The following NLGN1 variants were observed in gnomAD, a reference collection of about 807,000 sequenced individuals.
NLGN1 encodes the protein neuroligin 1.
In NLGN1, 12 loss-of-function variants were observed where a neutral mutation model predicts 65.5. The observed-to-expected ratio is 0.18, with a 90% confidence interval of 0.12 to 0.30. NLGN1 has a LOEUF of 0.30. NLGN1 is among the 10% of genes least tolerant of loss of function. The pLI, the probability that NLGN1 is intolerant of heterozygous loss-of-function variation, is 1.00. For missense variants in NLGN1, 750 were observed against 1,007.1 expected (o/e 0.74, Z 3.46); for synonymous variants, 350 against 359.5 (o/e 0.97, Z 0.30).
intron 4 of NLGN1, among the ~76,000 whole-genome samples, chr3:173,989,106 C>T (rs1452333917): frequency 1.3e-5 from 2 of 152,148 alleles, no homozygotes; most frequent in Non-Finnish European, 2.9e-5. Flanking sequence ...TCAAGGTTGT[C>T]ACTCATTAAC....
intron 3 of NLGN1, among the ~76,000 whole-genome samples, chr3:173,699,644 C>T (rs1766811037): frequency 6.6e-6 from 1 of 152,184 alleles, no homozygotes; most frequent in Admixed American, 6.5e-5. Flanking sequence ...TACTGAGTCA[C>T]CATGTAGCCT....
At chr3:173,942,109 G>T (rs57490013) in intron 4 of NLGN1, among the ~76,000 whole-genome samples, 12,950 of 144,262 alleles carry the variant, frequency 0.09, 701 homozygotes, top group Middle Eastern at 0.11. Flanking sequence ...GGTGGTTGGG[G>T]GTGTGTGTGT....
rs532588538 is a variant in NLGN1, at chr3:173,983,640, G to A, written c.646+175808G>A. ...GTAGTCTCTGACTCGTGCCCAGTAT[G>A]TCTCCATTAGAAAGCCATGCACAGC... On this transcript the variant is annotated intron_variant, in intron 4 of 6. Transcript: ENST00000457714. 6.0e-4 allele frequency among the ~76,000 whole-genome samples: 92 copies of A among 152,084 alleles called. 2 individuals carry two copies. In the South Asian group the frequency reaches 0.019, roughly 31 times the overall value.
At chr3:173,954,907 A>C (rs902042880) in intron 4 of NLGN1, among the ~76,000 whole-genome samples, 1 of 152,190 alleles carries the variant, frequency 6.6e-6, no homozygotes. Flanking sequence ...TGCAAAATGC[A>C]TGAAATCTCC....
the NLGN1 span, among the ~76,000 whole-genome samples, chr3:174,292,177 T>C: frequency 5.3e-5 from 8 of 151,288 alleles, no homozygotes; most frequent in African/African-American, 1.9e-4. Context: ...AAAGTGTAAC[T>C]ATCAGAATGA....
In NLGN1 at chr3:173,962,139, A is replaced by G. The variant is rs954950488; in HGVS notation, c.646+154307A>G. Among the ~76,000 whole-genome samples the G allele has an allele frequency of 8.5e-5, 13 of 152,162 alleles. 1 individual carries two copies. The highest frequency in any genetic ancestry group is 8.5e-4 in the Admixed American group (13 of 15,282). On this transcript the variant is annotated intron_variant, in intron 4 of 6. Coordinates refer to ENST00000457714, the Ensembl canonical transcript of NLGN1. The stretch of plus-strand genomic sequence containing the variant: ...AAACACAAGACAAGGAGTATACAAC[A>G]AAGTGAAATTTGAAATATATATATT...
chr3:173,932,033 T>C (rs1744193806), intron 4 of NLGN1, among the ~76,000 whole-genome samples: 1 of 152,140 alleles, frequency 6.6e-6, no homozygotes, highest in Non-Finnish European at 1.5e-5. Context: ...TGTTTTGTTT[T>C]GTTTTGTTTT....
chr3:173,534,588 C>A (rs368205464), intron 2 of NLGN1, among the ~76,000 whole-genome samples: 1 of 152,126 alleles, frequency 6.6e-6, no homozygotes. Context: ...CTTTCTAGGG[C>A]AGGAGCTATA....
chr3:174,026,548 A>G (rs1379253388), intron 4 of NLGN1, among the ~76,000 whole-genome samples: 1 of 152,236 alleles, frequency 6.6e-6, no homozygotes, highest in Non-Finnish European at 1.5e-5. Flanking sequence ...ACTCATATAA[A>G]TAAAAGCAGA....
Position 174,279,170 on chromosome 3 carries a change from G to A in NLGN1, c.1169G>A (p.Gly390Glu), listed in dbSNP as rs866037271. 1 of 1,613,364 alleles carries A rather than the reference G, an allele frequency of 6.2e-7. No individual in the cohort carries two copies. Among genetic ancestry groups the A allele is most frequent in the Non-Finnish European group, 8.5e-7 (1 of 1,179,542 alleles). ...GATATAATGTTAGGAGTGAACCAAG[G>A]GGAAGGGTTAAAATTTGTTGAAAAT... Residue 390 changes from glycine (G) to glutamate (E), a missense_variant, in exon 6 of 7, where the codon GGG becomes GAG. Transcript: ENST00000457714. This position sits in a 1 kb window ranked among gnomAD's most constrained non-coding sequence, Gnocchi z 4.7.
At chr3:173,714,429 T>G (rs944493639) in intron 3 of NLGN1, among the ~76,000 whole-genome samples, 2 of 152,152 alleles carry the variant, frequency 1.3e-5, no homozygotes, top group African/African-American at 4.8e-5. Flanking sequence ...ATTGGATTAA[T>G]TCTTAGGCTA....
At chr3:173,420,222 C>T (rs1450987447) in intron 1 of NLGN1, among the ~76,000 whole-genome samples, 1 of 152,048 alleles carries the variant, frequency 6.6e-6, no homozygotes, top group African/African-American at 2.4e-5. Flanking sequence ...GCTGTCCCTC[C>T]CCACTCCTCC....
At chr3:173,441,817 C>T (rs1232889459) in intron 2 of NLGN1, among the ~76,000 whole-genome samples, 1 of 152,116 alleles carries the variant, frequency 6.6e-6, no homozygotes, top group Non-Finnish European at 1.5e-5. Context: ...CATAAACTTC[C>T]AATTTGTGAA....
intron 4 of NLGN1, among the ~76,000 whole-genome samples, chr3:173,980,186 A>C (rs1296027315): frequency 1.3e-5 from 2 of 152,062 alleles, no homozygotes; most frequent in Non-Finnish European, 2.9e-5. Flanking sequence ...TTAACATATA[A>C]ACTCCCCATT....
intron 1 of NLGN1, chr3:173,398,567 A>T (rs530289652): frequency 6.6e-6 from 1 of 152,290 alleles, no homozygotes; most frequent in South Asian, 2.1e-4. Flanking sequence ...CTTCCAGAGG[A>T]GGTTGTTAGT....
intron 3 of NLGN1, among the ~76,000 whole-genome samples, chr3:173,623,355 A>AAAAAAAG (rs1754320843): frequency 1.5e-5 from 1 of 68,392 alleles, no homozygotes; most frequent in African/African-American, 5.4e-5. Flanking sequence ...TATTTTTGTG[A>AAAAAAAG]AAAAAAAAAA....
chr3:173,544,391 C>T (rs1450425473), intron 2 of NLGN1, among the ~76,000 whole-genome samples: 34 of 151,584 alleles, frequency 2.2e-4, no homozygotes, highest in Admixed American at 1.3e-3. Flanking sequence ...ATGTGGCAAT[C>T]ATGACAGAGA....
chr3:173,512,627 A>G (rs976989056), intron 2 of NLGN1, among the ~76,000 whole-genome samples: 3 of 152,208 alleles, frequency 2.0e-5, no homozygotes, highest in African/African-American at 7.2e-5. Flanking sequence ...GACATTATTC[A>G]GAAAGAACCA....
At chr3:174,162,892 TAAATG>T (rs1252487787) in intron 4 of NLGN1, among the ~76,000 whole-genome samples, 1 of 151,698 alleles carries the variant, frequency 6.6e-6, no homozygotes, top group Non-Finnish European at 1.5e-5. Flanking sequence ...CAGGATTAGG[TAAATG>T]AAATATCAGT....
Sources: gnomAD v4.1 joint callset for allele counts (sites outside exome capture counted in the v4.1 genomes callset) on GRCh38, gnomAD v4.1.1 for gene constraint, Gnocchi (gnomAD v3.1) non-coding constraint, MANE v1.5 for transcripts, NCBI Gene and HGNC (gene_info 2026-07-23, HGNC 2026-07-21) for gene names.